NAALADL2: variants seen among roughly 807,000 people sequenced by gnomAD.
The protein encoded by NAALADL2 is inactive N-acetylated-alpha-linked acidic dipeptidase-like protein 2.
NAALADL2 carries 76 observed loss-of-function variants against 87.2 expected under a neutral mutation model. The ratio of observed to expected loss-of-function variants is 0.87; its 90% CI spans 0.72 to 1.05. The LOEUF is 1.05. NAALADL2 is among the 50% of genes least tolerant of loss of function. The pLI is 0.00. For missense variants in NAALADL2, 1,089 were observed against 945.8 expected (o/e 1.15, Z -1.99); for synonymous variants, 354 against 331.0 (o/e 1.07, Z -0.75).
intron 9 of NAALADL2, among the ~76,000 whole-genome samples, chr3:175,523,133 T>G (rs1356925205): frequency 1.3e-5 from 2 of 152,180 alleles, no homozygotes; most frequent in Non-Finnish European, 2.9e-5. Context: ...TAGTGAAAAT[T>G]AATTCTCTAG....
In NAALADL2 at chr3:175,647,968, C is replaced by T. The variant is rs528468975; in HGVS notation, c.1896+20582C>T. ...GTTGATTTGGTCTAGATCTGGGGTA[C>T]CCCCAGTAGATCTTTGTACTAACAT... On this transcript the variant is annotated intron_variant, in intron 11 of 13. Coordinates refer to ENST00000454872, the MANE Select transcript of NAALADL2 (RefSeq NM_207015.3). 2.0e-5 allele frequency among the ~76,000 whole-genome samples: 3 copies of T among 152,252 alleles called. No homozygotes were observed. The South Asian group carries it at 6.2e-4, about 32-fold the overall frequency.
At chr3:175,725,464 T>C (rs979913619) in intron 11 of NAALADL2, among the ~76,000 whole-genome samples, 4 of 152,116 alleles carry the variant, frequency 2.6e-5, no homozygotes, top group Non-Finnish European at 5.9e-5. Context: ...ACATGAGAAT[T>C]AGCATTGGAA....
intron 1 of NAALADL2, among the ~76,000 whole-genome samples, chr3:174,495,263 CAA>C (rs199803612): frequency 0.47 from 56,232 of 120,234 alleles, 11,848 homozygotes; most frequent in East Asian, 0.84. Flanking sequence ...ATTAACAAAC[CAA>C]AAAAAAAAAA....
chr3:175,586,081 A>G (rs1322003045), intron 10 of NAALADL2, among the ~76,000 whole-genome samples: 4 of 152,184 alleles, frequency 2.6e-5, no homozygotes, highest in African/African-American at 4.8e-5. Context: ...CTGGAGCTCA[A>G]ATAGCTGTGG....
intron 4 of NAALADL2, among the ~76,000 whole-genome samples, chr3:175,260,314 A>G (rs2109884222): frequency 6.6e-6 from 1 of 152,220 alleles, no homozygotes; most frequent in Non-Finnish European, 1.5e-5. Context: ...CTTGCCACAA[A>G]CTTGGCATTG....
intron 1 of NAALADL2, among the ~76,000 whole-genome samples, chr3:174,989,712 T>A (rs926142916): frequency 6.6e-6 from 1 of 152,170 alleles, no homozygotes; most frequent in African/African-American, 2.4e-5. Flanking sequence ...CTATAAGCCC[T>A]GAAAGAGGCA....
At chr3:175,402,066 T>C (rs1221534039) in intron 5 of NAALADL2, among the ~76,000 whole-genome samples, 1 of 152,064 alleles carries the variant, frequency 6.6e-6, no homozygotes, top group Non-Finnish European at 1.5e-5. Flanking sequence ...TGGTACTAGA[T>C]TGATATGAAT....
rs1176053685 is a variant in NAALADL2, at chr3:175,233,975, C to A, written c.590C>A (p.Ser197Ter). 3 of 1,603,796 alleles carry A rather than the reference C, an allele frequency of 1.9e-6. No homozygotes were observed. The highest frequency in any genetic ancestry group is 2.6e-6 in the Non-Finnish European group (3 of 1,172,602). ...AAAAATGAAGATGACATGGAAATTTCAAAGAAGATTAAGACTCAGTGGACC... is the reference window on the plus strand; with the variant it reads ...AAAAATGAAGATGACATGGAAATTTAAAAGAAGATTAAGACTCAGTGGACC... ...LYKNEDDMEISKKIKTQWTSL... is the reference protein window; with the variant it reads ...LYKNEDDMEI The change falls in exon 3 of 14, where the codon TCA (serine) becomes TAA (stop). Residue 197 changes from serine (S) to a stop codon, truncating the protein, a stop_gained. Transcript: ENST00000454872. LOFTEE classifies it high-confidence loss of function.
At chr3:175,148,799 A>G (rs923532289) in intron 2 of NAALADL2, among the ~76,000 whole-genome samples, 2 of 152,072 alleles carry the variant, frequency 1.3e-5, no homozygotes, top group Non-Finnish European at 2.9e-5. Context: ...CCATTGGTCT[A>G]TGTGTCTCTT....
rs369903958 is a variant in NAALADL2, at chr3:174,837,218, A to G, written c.-9+99472A>G. On this transcript the variant is annotated intron_variant, in intron 3 of 3. Transcript: ENST00000434257. ...ATGAAAGAAAAAGCTGGTTCTTTGAAAAGATAAATACAATTGATAGACATT... is the reference window on the plus strand; with the variant it reads ...ATGAAAGAAAAAGCTGGTTCTTTGAGAAGATAAATACAATTGATAGACATT... Among the ~76,000 whole-genome samples, 8 of 152,206 alleles carry G rather than the reference A, an allele frequency of 5.3e-5. No homozygotes were observed. The East Asian group carries it at 1.3e-3, about 26-fold the overall frequency.
At chr3:175,452,229 T>TTCTC (rs907908560) in intron 6 of NAALADL2, among the ~76,000 whole-genome samples, 2 of 26,996 alleles carry the variant, frequency 7.4e-5, no homozygotes, top group Non-Finnish European at 3.0e-4. Context: ...TGTCTTCAGA[T>TTCTC]TCTCTCTCTC....
At chr3:175,418,587 G>T (rs975043121) in intron 5 of NAALADL2, among the ~76,000 whole-genome samples, 2 of 152,086 alleles carry the variant, frequency 1.3e-5, no homozygotes, top group Non-Finnish European at 2.9e-5. Context: ...ATGTAGCCTA[G>T]GTGGTTCACT....
Position 175,216,422 on chromosome 3 carries a change from C to T in NAALADL2, c.546-17509C>T, listed in dbSNP as rs567204551. 1.6e-4 allele frequency among the ~76,000 whole-genome samples: 24 copies of T among 151,988 alleles called. No individual in the cohort carries two copies. The South Asian group carries it at 3.7e-3, about 24-fold the overall frequency. ...ATTTAAAGATAGATGCAGATAGTTG[C>T]AACAAATTTATGGAAAAGTAGATAG... On this transcript the variant is annotated intron_variant, in intron 2 of 13. Transcript: ENST00000454872.
chr3:175,628,742 T>G (rs1727353204), intron 11 of NAALADL2, among the ~76,000 whole-genome samples: 1 of 150,088 alleles, frequency 6.7e-6, no homozygotes, highest in Admixed American at 6.7e-5. Flanking sequence ...GTAGTTGTTT[T>G]TTTCTTTTAA....
At chr3:174,587,589 A>G (rs1226698311) in intron 2 of NAALADL2, among the ~76,000 whole-genome samples, 1 of 152,166 alleles carries the variant, frequency 6.6e-6, no homozygotes, top group African/African-American at 2.4e-5. Context: ...AAAATCTCTC[A>G]GCATTTGCTT....
intron 5 of NAALADL2, among the ~76,000 whole-genome samples, chr3:175,389,975 G>T (rs1270420442): frequency 6.6e-6 from 1 of 152,114 alleles, no homozygotes; most frequent in African/African-American, 2.4e-5. Context: ...GCAGAACAGA[G>T]GTGGTTATAT....
At chr3:175,287,059 G>A (rs1332065354) in intron 4 of NAALADL2, among the ~76,000 whole-genome samples, 2 of 152,082 alleles carry the variant, frequency 1.3e-5, no homozygotes, top group African/African-American at 2.4e-5. Context: ...CAGTGAGATT[G>A]CACTACAGCC....
At chr3:175,393,163 A>G (rs1280050463) in intron 5 of NAALADL2, among the ~76,000 whole-genome samples, 2 of 150,078 alleles carry the variant, frequency 1.3e-5, no homozygotes, top group Non-Finnish European at 3.0e-5. Context: ...AGTCCCAGCT[A>G]CTCGGGAGGC....
rs796791542 is a variant in NAALADL2, at chr3:175,633,630, C to T, written c.1896+6244C>T. ...GGTACATCTAATGAAACAAAAATGC[C>T]CTCATCTATGTGGTACCATGGAAAC... On this transcript the variant is annotated intron_variant, in intron 11 of 13. Coordinates refer to ENST00000454872, the MANE Select transcript of NAALADL2 (RefSeq NM_207015.3). Among the ~76,000 whole-genome samples the T allele has an allele frequency of 6.6e-5, 10 of 151,488 alleles. 1 individual carries two copies. The South Asian group carries it at 2.1e-3, about 32-fold the overall frequency.
Sources: allele counts gnomAD v4.1 joint callset (sites outside exome capture counted in the v4.1 genomes callset), GRCh38; gene constraint gnomAD v4.1.1; transcripts MANE v1.5; gene names NCBI Gene and HGNC (gene_info 2026-07-23, HGNC 2026-07-21).